TOP2A: variants seen among roughly 807,000 people sequenced by gnomAD.
TOP2A encodes DNA topoisomerase 2-alpha.
TOP2A carries 68 observed loss-of-function variants against 187.2 expected under a neutral mutation model. The ratio of observed to expected loss-of-function variants is 0.36; its 90% CI spans 0.30 to 0.44. The LOEUF (loss-of-function observed/expected upper bound fraction) is 0.44. Among genes scored for constraint, TOP2A ranks in the 20% least tolerant of loss-of-function variants. The pLI is 1.00. For synonymous variants in TOP2A, 542 were observed against 593.2 expected (o/e 0.91, Z 1.25); for missense variants, 1,196 against 1,808.7 (o/e 0.66, Z 6.14).
At chr17:40,417,746 C>A (rs377511086) in intron 1 of TOP2A, 25 bp downstream of exon 1, 3 of 1,612,298 alleles carry the variant, frequency 1.9e-6, no homozygotes, top group African/African-American at 2.7e-5. Flanking sequence ...GAGGCTCCAC[C>A]GCCAGTCCCC....
At chr17:40,405,454 TTTG>T (rs2035229089) in intron 16 of TOP2A, among the ~76,000 whole-genome samples, 3 of 72,208 alleles carry the variant, frequency 4.2e-5, no homozygotes, top group East Asian at 3.7e-4. Flanking sequence ...CCCGACCTTT[TTTG>T]TTTTTTTTTT....
intron 1 of TOP2A, among the ~76,000 whole-genome samples, chr17:40,417,311 C>G (rs1039548605): frequency 5.3e-5 from 8 of 152,164 alleles, no homozygotes; most frequent in Admixed American, 1.3e-4. Flanking sequence ...CGTTCAATCC[C>G]TTGGCCACCT....
intron 29 of TOP2A, among the ~76,000 whole-genome samples, chr17:40,395,055 C>A (rs141682945): frequency 5.3e-5 from 8 of 151,750 alleles, no homozygotes; most frequent in African/African-American, 1.5e-4. Flanking sequence ...GAGGCCAAGG[C>A]GGGCAAATCA....
chr17:40,408,359 C>T (rs2035273926), intron 11 of TOP2A, 133 bp downstream of exon 11: 31 of 1,022,126 alleles, frequency 3.0e-5, no homozygotes, highest in Non-Finnish European at 4.3e-5. Flanking sequence ...AGGAAACGGG[C>T]CGATTTTTAA....
chr17:40,391,069 T>C (rs1265167318), intron 33 of TOP2A, among the ~76,000 whole-genome samples: 1 of 152,136 alleles, frequency 6.6e-6, no homozygotes, highest in Non-Finnish European at 1.5e-5. Context: ...TACCTTATTT[T>C]TGGAGACAGG....
In TOP2A at chr17:40,411,091, T is replaced by A. The variant is rs1567789695; in HGVS notation, c.1203+18A>T. 6.3e-7 allele frequency: 1 copy of A among 1,577,002 alleles called. No individual in the cohort carries two copies. The highest frequency in any genetic ancestry group is 2.2e-5 in the East Asian group (1 of 44,614). Reference sequence around the variant, plus strand: ...TAAAGTCAGGTGTTTCTATTTTTATTTTCCTCTAAGTACTCACAGCTTTGA... The same window carrying A: ...TAAAGTCAGGTGTTTCTATTTTTATATTCCTCTAAGTACTCACAGCTTTGA... On this transcript the variant is annotated intron_variant, in intron 10 of 34. Transcript: ENST00000423485. This position sits in a 1 kb window ranked among gnomAD's most constrained non-coding sequence, Gnocchi z 4.4.
intron 10 of TOP2A, 142 bp from the exon 11 acceptor site, chr17:40,408,772 G>GT: frequency 2.2e-6 from 2 of 896,818 alleles, no homozygotes; most frequent in South Asian, 2.8e-5. Flanking sequence ...TGGATAGAGG[G>GT]TGGCACATCT....
chr17:40,416,898 A>G lies in TOP2A; in HGVS notation c.22-3T>C. The G allele has an allele frequency of 1.3e-6, 2 of 1,581,104 alleles. No homozygotes were observed. The highest frequency in any genetic ancestry group is 1.7e-6 in the Non-Finnish European group (2 of 1,168,258). ...ACTTGCATATTTTCATTTACAGGCT[A>G]GCAATTAAAAAAAAAGAGAGAAAGA... On this transcript the variant is annotated splice_region_variant and splice_polypyrimidine_tract_variant and intron_variant, in intron 1 of 34. Coordinates refer to ENST00000423485, the MANE Select transcript of TOP2A (RefSeq NM_001067.4).
At chr17:40,408,657 G>A in intron 10 of TOP2A, 27 bp from the exon 11 acceptor site, 1 of 1,609,662 alleles carries the variant, frequency 6.2e-7, no homozygotes, top group Non-Finnish European at 8.5e-7. Flanking sequence ...TCATATTAGG[G>A]ATCATATTAG....
chr17:40,397,593 CCTTTT>C (rs1275633565), intron 27 of TOP2A, among the ~76,000 whole-genome samples: 2 of 151,790 alleles, frequency 1.3e-5, no homozygotes, highest in Non-Finnish European at 1.5e-5. Flanking sequence ...GTGGCTTTGT[CCTTTT>C]AAGTTGACTT....
At chr17:40,415,978 A>T in intron 4 of TOP2A, 27 bp downstream of exon 4, 1 of 1,511,684 alleles carries the variant, frequency 6.6e-7, no homozygotes, top group Non-Finnish European at 9.1e-7. Flanking sequence ...AACGAGCTAC[A>T]TAACAAAAAC....
chr17:40,396,412 C>G lies in TOP2A; in HGVS notation c.3591G>C (p.Gly1197=), dbSNP rs182551266. The change falls in exon 28 of 35, where the codon GGG becomes GGC. Residue 1197 remains glycine (G), a synonymous_variant. Coordinates refer to ENST00000423485, the MANE Select transcript of TOP2A (RefSeq NM_001067.4). Reference sequence around the variant, plus strand: ...GTGTTTTTTTCCCCTTGGCCTTCCCCCCTTTCCCAGGAAGTCCGACTTGTT... The same window carrying G: ...GTGTTTTTTTCCCCTTGGCCTTCCCGCCTTTCCCAGGAAGTCCGACTTGTT... ...QDEQVGLPGK[G]GKAKGKKTQM... 8 of 1,613,914 alleles carry G rather than the reference C, an allele frequency of 5.0e-6. No individual in the cohort carries two copies. The highest frequency in any genetic ancestry group is 6.8e-6 in the Non-Finnish European group (8 of 1,179,868).
chr17:40,405,722 G>A (rs1315587069), intron 16 of TOP2A, among the ~76,000 whole-genome samples: 1 of 151,780 alleles, frequency 6.6e-6, no homozygotes, highest in East Asian at 1.9e-4. Context: ...GCCCGACTTA[G>A]CCTTCCAAAG....
rs1422502108 is a variant in TOP2A, at chr17:40,398,909, C to G, written c.3317G>C (p.Ser1106Thr). 1 of 1,610,224 alleles carries G rather than the reference C, an allele frequency of 6.2e-7. No homozygotes were observed. The highest frequency in any genetic ancestry group is 1.7e-5 in the Admixed American group (1 of 59,062). The part of the protein sequence containing the change: ...KVPDEEENEE[S>T]DNEKETEKSD... ...CTTTTCAGTTTCCTTTTCGTTGTCA[C>G]TCTCTTCATTTTCTTCTTCATCTGG... The change falls in exon 26 of 35, where the codon AGT becomes ACT. Residue 1106 changes from serine to threonine, a missense_variant. Transcript: ENST00000423485.
chr17:40,393,039 T>C (rs2035046167), intron 29 of TOP2A, among the ~76,000 whole-genome samples: 4 of 151,992 alleles, frequency 2.6e-5, no homozygotes, highest in Admixed American at 2.0e-4. Flanking sequence ...GACCCTGTCT[T>C]GGCTGGGTGC....
intron 7 of TOP2A, among the ~76,000 whole-genome samples, chr17:40,412,228 T>C (rs184753042): frequency 3.3e-5 from 5 of 152,122 alleles, no homozygotes. Flanking sequence ...AAAAAGGACA[T>C]GAAATATTTA....
chr17:40,417,799 G>A lies in TOP2A; in HGVS notation c.-8C>T. 6.2e-7 allele frequency: 1 copy of A among 1,613,562 alleles called. No homozygotes were observed. Among genetic ancestry groups the A allele is most frequent in the South Asian group, 1.1e-5 (1 of 91,068 alleles). On this transcript the variant is annotated 5_prime_UTR_variant, in exon 1 of 35. Coordinates refer to ENST00000423485, the MANE Select transcript of TOP2A (RefSeq NM_001067.4). The stretch of plus-strand genomic sequence containing the variant: ...CAATGGTGACACTTCCATGGTGACG[G>A]TCGTGAAGGGGCTCAAGAACCCTGA...
chr17:40,396,338 C>T lies in TOP2A; in HGVS notation c.3665G>A (p.Arg1222Gln), dbSNP rs190217688. Reference protein sequence around the residue: ...PSPRGQRVIPRITIEMKAEAE... With the variant: ...PSPRGQRVIPQITIEMKAEAE... ...CTCTGCTTTCATTTCTATGGTTATT[C>T]GTGGAATGACTCTTTGACCACGCGG... The change falls in exon 28 of 35, where the codon CGA becomes CAA. Residue 1222 changes from arginine (R) to glutamine (Q), a missense_variant. Around this residue, in one of 10 missense-constraint regions of TOP2A, gnomAD observed 374 missense variants for 403.3 expected, o/e 0.93. Transcript: ENST00000423485. The T allele has an allele frequency of 6.2e-7, 1 of 1,613,402 alleles. No homozygotes were observed. Among genetic ancestry groups the T allele is most frequent in the South Asian group, 1.1e-5 (1 of 91,048 alleles).
At position 40,408,111 on chromosome 17, in the gene TOP2A, G is replaced by T; in HGVS notation, c.1356C>A (p.Ser452=). Residue 452 remains serine (S), a synonymous_variant, in exon 12 of 35, where the codon TCC becomes TCA. Transcript: ENST00000423485. ...DDANDAGGRN[S]TECTLILTEG... is the part of the protein sequence containing the mutation. ...CAGTCAGGATAAGCGTACACTCAGT[G>T]GAGTTTCGGCCCCCTAAAATAAAAA... The T allele has an allele frequency of 1.3e-6, 2 of 1,598,078 alleles. No individual in the cohort carries two copies. The highest frequency in any genetic ancestry group is 1.1e-5 in the South Asian group (1 of 87,932).
Sources: gnomAD v4.1 joint callset for allele counts (sites outside exome capture counted in the v4.1 genomes callset) on GRCh38, gnomAD v4.1.1 for gene constraint, gnomAD v4.1.1 regional missense constraint, Gnocchi (gnomAD v3.1) non-coding constraint, MANE v1.5 for transcripts, NCBI Gene and HGNC (gene_info 2026-07-23, HGNC 2026-07-21) for gene names.